The following ZNF704 variants were observed in gnomAD, a reference collection of about 807,000 sequenced individuals.
ZNF704 encodes glucocorticoid induced gene 1.
Under a neutral mutation model 44.7 loss-of-function variants are expected in ZNF704, and 10 were observed. That is an observed-to-expected ratio of 0.22 (90% CI 0.14 to 0.38). ZNF704 has a LOEUF of 0.38. ZNF704 is among the 10% of genes least tolerant of loss of function. The probability of loss-of-function intolerance (pLI) is 1.00; values close to 1 mark genes in which losing one functional copy is unlikely to be tolerated. For synonymous variants in ZNF704, 211 were observed against 207.6 expected (o/e 1.02, Z -0.14); for missense variants, 390 against 545.5 (o/e 0.71, Z 2.84).
intron 2 of ZNF704, among the ~76,000 whole-genome samples, chr8:80,736,675 T>C (rs1325047168): frequency 6.6e-6 from 1 of 152,112 alleles, no homozygotes; most frequent in East Asian, 1.9e-4. Context: ...AATGATACAA[T>C]GGACTTTGGG....
chr8:80,658,005 C>T (rs1818043061), intron 7 of ZNF704, among the ~76,000 whole-genome samples: 1 of 152,002 alleles, frequency 6.6e-6, no homozygotes, highest in African/African-American at 2.4e-5. Context: ...GGCTGGTATC[C>T]TAGTGTGTAA....
chr8:80,877,145 T>C (rs1809365657), upstream of ZNF704, among the ~76,000 whole-genome samples: 1 of 133,060 alleles, frequency 7.5e-6, no homozygotes, highest in Admixed American at 8.6e-5. Context: ...AGACATCCAT[T>C]CCCTGGCCCC....
chr8:80,696,491 C>A (rs1032418855), intron 2 of ZNF704, among the ~76,000 whole-genome samples: 1 of 152,208 alleles, frequency 6.6e-6, no homozygotes, highest in Non-Finnish European at 1.5e-5. Context: ...TATCTTGCCT[C>A]ACTGCAACCT....
chr8:80,796,832 AAAAGAAAAGAAAAAAG>A lies in ZNF704; in HGVS notation c.221+24526_221+24541del, dbSNP rs368147814. Among the ~76,000 whole-genome samples, 463 of 150,762 alleles carry A rather than the reference AAAAGAAAAGAAAAAAG, an allele frequency of 3.1e-3. 2 individuals carry two copies. Among genetic ancestry groups the A allele is most frequent in the African/African-American group, 0.011 (451 of 40,166 alleles). ...ATGAACACTGTGAAAGAAAAGAAAG[AAAAGAAAAGAAAAAAG>A]AAAGAAAAGAGAAATGAAAGAGAGA... On this transcript the variant is annotated intron_variant, in intron 2 of 8. Transcript: ENST00000327835.
chr8:80,646,103 T>C lies in ZNF704; in HGVS notation c.1033-2974A>G, dbSNP rs116143533. ...TTGGACTTCCCCGCCTCCAGGTTGT[T>C]AGTCAGTAAATTTCTGTTCATTATA... On this transcript the variant is annotated intron_variant, in intron 7 of 8. Coordinates refer to ENST00000327835, the MANE Select transcript of ZNF704 (RefSeq NM_001033723.3). Among the ~76,000 whole-genome samples the C allele has an allele frequency of 2.9e-3, 447 of 152,296 alleles. 2 individuals are homozygous for C. Among genetic ancestry groups the C allele is most frequent in the African/African-American group, 0.01 (428 of 41,566 alleles).
Position 80,752,831 on chromosome 8 carries a change from G to A in ZNF704, c.222-59724C>T, listed in dbSNP as rs117696412. On this transcript the variant is annotated intron_variant, in intron 2 of 8. Transcript: ENST00000327835. ...GCTGGGATTACAGGCATGAGCCACC[G>A]CGCCTGGCCAAAAAAATAATCTTTT... Among the ~76,000 whole-genome samples the A allele has an allele frequency of 5.7e-3, 864 of 152,216 alleles. 4 individuals carry two copies. Among genetic ancestry groups the A allele is most frequent in the Non-Finnish European group, 8.6e-3 (586 of 68,016 alleles).
At chr8:80,709,529 A>G (rs1554575215) in intron 2 of ZNF704, among the ~76,000 whole-genome samples, 1 of 150,192 alleles carries the variant, frequency 6.7e-6, no homozygotes, top group South Asian at 2.1e-4. Context: ...AGACAGGATC[A>G]GTTCTATAAG....
intron 2 of ZNF704, among the ~76,000 whole-genome samples, chr8:80,742,454 G>A (rs1164776837): frequency 6.6e-6 from 1 of 152,166 alleles, no homozygotes; most frequent in Non-Finnish European, 1.5e-5. Flanking sequence ...CCCATCAGAT[G>A]GCCAAATCAT....
Position 80,687,426 on chromosome 8 carries a change from A to AGCC in ZNF704, c.355_357dup (p.Gly119dup). On this transcript the variant is annotated inframe_insertion, in exon 4 of 9. Transcript: ENST00000327835. ...CTGCTGCTGGTGCTGGAAGGCACGC[A>AGCC]GCCGCCCTCCTTCCAGGATCCGCTG... The AGCC allele has an allele frequency of 6.3e-7, 1 of 1,589,938 alleles. No homozygotes were observed. Among genetic ancestry groups the AGCC allele is most frequent in the Non-Finnish European group, 8.5e-7 (1 of 1,169,756 alleles).
intron 1 of ZNF704, among the ~76,000 whole-genome samples, chr8:80,871,954 G>A (rs1024052834): frequency 1.3e-5 from 2 of 152,192 alleles, no homozygotes; most frequent in African/African-American, 4.8e-5. Flanking sequence ...CTGATCAAGT[G>A]AATTATCACA....
chr8:80,717,198 G>A (rs907759793), intron 2 of ZNF704, among the ~76,000 whole-genome samples: 4 of 152,122 alleles, frequency 2.6e-5, no homozygotes, highest in African/African-American at 9.7e-5. Flanking sequence ...TCAACAGCAG[G>A]GCTGTTATGT....
At position 80,632,123 on chromosome 8, in the gene ZNF704, T is replaced by G. The variant is rs1444785519; in HGVS notation, c.*9243A>C. ...GCTGGTTTTCCTCTTAAGTCAAGGA[T>G]GTAGAGAGAATTCAGAAGAAATAGA... On this transcript the variant is annotated 3_prime_UTR_variant, in exon 9 of 9. Transcript: ENST00000327835. 2 of 152,182 alleles carry G rather than the reference T, an allele frequency of 1.3e-5. No individual in the cohort carries two copies. The highest frequency in any genetic ancestry group is 2.9e-5 in the Non-Finnish European group (2 of 68,042). 9.4% of individuals were successfully genotyped at this position (152,182 alleles called of 1,614,324 possible). A position where few individuals can be genotyped will look rare whatever the true frequency, so the allele number is the denominator to read the frequency against.
intron 4 of ZNF704, among the ~76,000 whole-genome samples, chr8:80,674,721 C>G (rs998235341): frequency 6.6e-6 from 1 of 152,154 alleles, no homozygotes; most frequent in Non-Finnish European, 1.5e-5. Flanking sequence ...TGCTGGGGAT[C>G]AAATTCCAAC....
intron 7 of ZNF704, among the ~76,000 whole-genome samples, chr8:80,657,923 G>A (rs1279890877): frequency 6.6e-6 from 1 of 151,822 alleles, no homozygotes; most frequent in Non-Finnish European, 1.5e-5. Context: ...TGAGATGAGG[G>A]TAGAAATACA....
intron 5 of ZNF704, among the ~76,000 whole-genome samples, chr8:80,667,660 GGCAGAGGGTAGGTA>G: frequency 6.6e-6 from 1 of 152,294 alleles, no homozygotes; most frequent in South Asian, 2.1e-4. Context: ...CGGTGTATTT[GGCAGAGGGTAGGTA>G]CCTAGCAAAT....
At chr8:80,775,409 G>C (rs541485364) in intron 2 of ZNF704, among the ~76,000 whole-genome samples, 2 of 152,270 alleles carry the variant, frequency 1.3e-5, no homozygotes, top group South Asian at 4.1e-4. Flanking sequence ...TCATTCCATT[G>C]GTCTATTCTT....
At chr8:80,695,691 T>TA (rs568615965) in intron 2 of ZNF704, among the ~76,000 whole-genome samples, 68 of 152,374 alleles carry the variant, frequency 4.5e-4, no homozygotes, top group Non-Finnish European at 8.1e-4. Context: ...TTTTTTAAAA[T>TA]ATGACAATCA....
At chr8:80,826,395 G>C (rs1351175793) in intron 1 of ZNF704, among the ~76,000 whole-genome samples, 4 of 152,138 alleles carry the variant, frequency 2.6e-5, no homozygotes, top group Admixed American at 2.0e-4. Flanking sequence ...TTGAATCCCT[G>C]AATAGACCAA....
chr8:80,761,792 A>G (rs2131720255), intron 2 of ZNF704, among the ~76,000 whole-genome samples: 1 of 152,352 alleles, frequency 6.6e-6, no homozygotes, highest in Middle Eastern at 3.4e-3. Flanking sequence ...ATTCATAAAT[A>G]GGTCAAAAGG....
Sources: allele counts gnomAD v4.1 joint callset (sites outside exome capture counted in the v4.1 genomes callset), GRCh38; gene constraint gnomAD v4.1.1; transcripts MANE v1.5; gene names NCBI Gene and HGNC (gene_info 2026-07-23, HGNC 2026-07-21).